Variants in TEX11 observed in about 807,000 individuals in gnomAD.
TEX11 encodes the protein testis expressed 11, also known as testis-expressed protein 11.
Under a neutral mutation model 84.4 loss-of-function variants are expected in TEX11, and 7 were observed. The ratio of observed to expected loss-of-function variants is 0.08; its 90% CI spans 0.05 to 0.16. The LOEUF is 0.16. TEX11 is among the 10% of genes least tolerant of loss of function. TEX11 has a pLI of 1.00. For missense variants in TEX11, 551 were observed against 660.5 expected, an observed-to-expected ratio of 0.83 and a Z score of 1.82; for synonymous variants, 264 against 222.8, an observed-to-expected ratio of 1.18 and a Z score of -1.64.
intron 4 of TEX11, among the ~76,000 whole-genome samples, chrX:70,870,493 G>A (rs1352343652): frequency 3.6e-5 from 4 of 110,423 alleles, no homozygotes; most frequent in East Asian, 5.7e-4. Flanking sequence ...CCACCACCAC[G>A]CATGGCTAAT....
intron 7 of TEX11, among the ~76,000 whole-genome samples, chrX:70,838,925 C>T (rs986252720): frequency 8.0e-5 from 9 of 112,129 alleles, no homozygotes; most frequent in Non-Finnish European, 1.3e-4. Context: ...AAGGTGGCAG[C>T]GAGGCTCGGG....
intron 4 of TEX11, among the ~76,000 whole-genome samples, chrX:70,871,850 C>T (rs2091631087): frequency 9.5e-6 from 1 of 105,772 alleles, no homozygotes; most frequent in African/African-American, 3.5e-5. Context: ...CTCCACTTTC[C>T]CCACCCATTT....
At chrX:70,834,333 G>A (rs2091393372) in intron 7 of TEX11, among the ~76,000 whole-genome samples, 1 of 111,831 alleles carries the variant, frequency 8.9e-6, no homozygotes, top group Non-Finnish European at 1.9e-5. Context: ...ATAAAGTGAG[G>A]AGACTGTACT....
At chrX:70,902,534 T>C (rs1185784192) in intron 2 of TEX11, among the ~76,000 whole-genome samples, 2 of 111,881 alleles carry the variant, frequency 1.8e-5, no homozygotes, top group Non-Finnish European at 3.8e-5. Flanking sequence ...GTTTGTTTGT[T>C]TGTTTGAGAT....
intron 2 of TEX11, among the ~76,000 whole-genome samples, chrX:70,898,801 T>C (rs2091787544): frequency 9.1e-6 from 1 of 110,485 alleles, no homozygotes; most frequent in Non-Finnish European, 1.9e-5. Flanking sequence ...GAGACGGGGT[T>C]TCACAGTGTT....
intron 25 of TEX11, among the ~76,000 whole-genome samples, chrX:70,586,652 T>TAATA (rs1188655586): frequency 2.7e-5 from 3 of 111,784 alleles, no homozygotes; most frequent in African/African-American, 9.7e-5. Flanking sequence ...ATAGCTATAA[T>TAATA]AATAAAAAAT....
At chrX:70,835,434 T>A (rs1480903735) in intron 7 of TEX11, among the ~76,000 whole-genome samples, 1 of 112,079 alleles carries the variant, frequency 8.9e-6, no homozygotes, top group Admixed American at 9.5e-5. Flanking sequence ...GTAAAAGAAG[T>A]CTTAAAGAAG....
intron 16 of TEX11, among the ~76,000 whole-genome samples, chrX:70,667,724 G>A (rs1436119003): frequency 1.8e-5 from 2 of 111,219 alleles, no homozygotes; most frequent in East Asian, 2.8e-4. Flanking sequence ...TCAGGAGTTC[G>A]AGACCAGCCT....
At chrX:70,906,325 T>C (rs1380762774) in intron 2 of TEX11, among the ~76,000 whole-genome samples, 1 of 107,131 alleles carries the variant, frequency 9.3e-6, no homozygotes, top group African/African-American at 3.4e-5. Flanking sequence ...TTCATTATAT[T>C]ATTTTCTATA....
chrX:70,583,922 T>C (rs1416040903), intron 25 of TEX11, among the ~76,000 whole-genome samples: 1 of 111,852 alleles, frequency 8.9e-6, no homozygotes, highest in Non-Finnish European at 1.9e-5. Context: ...TTCCAAAAAT[T>C]GAATCACAAA....
At chrX:70,877,078 G>A (rs1272217557) in intron 3 of TEX11, among the ~76,000 whole-genome samples, 1 of 111,077 alleles carries the variant, frequency 9.0e-6, no homozygotes, top group East Asian at 2.8e-4. Flanking sequence ...TGGATCTCTT[G>A]AGGCCAGGAG....
chrX:70,605,339 G>C lies in TEX11; in HGVS notation c.2067+62C>G, dbSNP rs2089183746. 6.8e-6 allele frequency: 5 copies of C among 736,294 alleles called. No homozygotes were observed. The Admixed American group carries it at 1.3e-4, about 19-fold the overall frequency. The allele number at this position is 736,294 out of a possible 1,213,427, so 60.7% of individuals were successfully genotyped here. ...GAGAATCAAAAAGAACTGCATCAGG[G>C]AAGGCAAACATATCAAATAGCACAC... On this transcript the variant is annotated intron_variant, in intron 24 of 29. Coordinates refer to ENST00000374333, the MANE Select transcript of TEX11 (RefSeq NM_031276.3).
At chrX:70,565,138 C>T (rs1218665524) in intron 25 of TEX11, among the ~76,000 whole-genome samples, 1 of 110,393 alleles carries the variant, frequency 9.1e-6, no homozygotes, top group African/African-American at 3.3e-5. Flanking sequence ...TTTTGATTTG[C>T]ATTTCTCTGA....
intron 3 of TEX11, among the ~76,000 whole-genome samples, chrX:70,879,771 G>A (rs2147872599): frequency 9.0e-6 from 1 of 111,195 alleles, no homozygotes; most frequent in South Asian, 3.8e-4. Flanking sequence ...AAATAACATT[G>A]CTAATAAATA....
chrX:70,588,450 T>C (rs1201182986), intron 25 of TEX11, among the ~76,000 whole-genome samples: 1 of 111,536 alleles, frequency 9.0e-6, no homozygotes, highest in Non-Finnish European at 1.9e-5. Context: ...TCCCCTTCAC[T>C]CGGCACTTCT....
At chrX:70,659,228 T>A (rs867066691) in intron 16 of TEX11, among the ~76,000 whole-genome samples, 9 of 112,172 alleles carry the variant, frequency 8.0e-5, no homozygotes, top group African/African-American at 1.9e-4. Context: ...AAAAATTTTT[T>A]AAAATCTACT....
intron 15 of TEX11, among the ~76,000 whole-genome samples, chrX:70,677,041 T>C (rs751868019): frequency 8.9e-6 from 1 of 112,392 alleles, no homozygotes; most frequent in Admixed American, 9.4e-5. Context: ...TATCGATTGA[T>C]TGCTTATTCT....
chrX:70,816,211 G>A (rs1054641253), intron 8 of TEX11, among the ~76,000 whole-genome samples: 1 of 111,875 alleles, frequency 8.9e-6, no homozygotes, highest in Non-Finnish European at 1.9e-5. Context: ...ACTTCGCTTA[G>A]AATAATAGTC....
intron 2 of TEX11, among the ~76,000 whole-genome samples, chrX:70,897,011 A>G (rs1188026542): frequency 9.4e-6 from 1 of 106,593 alleles, no homozygotes; most frequent in East Asian, 3.0e-4. Context: ...GTGCACCTGC[A>G]GTCCCAGCTA....
Sources: gnomAD v4.1 joint callset for allele counts (sites outside exome capture counted in the v4.1 genomes callset) on GRCh38, gnomAD v4.1.1 for gene constraint, MANE v1.5 for transcripts, NCBI Gene and HGNC (gene_info 2026-07-23, HGNC 2026-07-21) for gene names.